The following MAPK10 variants were observed in gnomAD, a reference collection of about 807,000 sequenced individuals.
MAPK10 encodes mitogen-activated protein kinase 10.
MAPK10 carries 25 observed loss-of-function variants against 59.3 expected under a neutral mutation model. The observed-to-expected ratio is 0.42, with a 90% confidence interval of 0.31 to 0.59. The LOEUF (loss-of-function observed/expected upper bound fraction) is 0.59. Ranked by LOEUF, MAPK10 falls within the 20% of genes least tolerant of loss-of-function variation. The pLI is 0.15. For missense variants in MAPK10, 351 were observed against 568.9 expected (o/e 0.62, Z 3.90); for synonymous variants, 190 against 200.5 (o/e 0.95, Z 0.44).
intron 2 of MAPK10, among the ~76,000 whole-genome samples, chr4:86,344,125 G>C (rs1337555237): frequency 6.6e-6 from 1 of 152,156 alleles, no homozygotes; most frequent in East Asian, 1.9e-4. Flanking sequence ...AACCTCATTT[G>C]AGAATGCCTG....
rs571697118 is a variant in MAPK10 at position 86,176,714 on chromosome 4, CTG to C, written c.67-17249_67-17248del. Reference sequence around the variant, plus strand: ...TTAACACTTCTGAAATTTGCTATAACTGTGTTCACCTGTGGATACCCAGAAAA... The same window carrying C: ...TTAACACTTCTGAAATTTGCTATAACTGTTCACCTGTGGATACCCAGAAAA... On this transcript the variant is annotated intron_variant, in intron 3 of 13. Transcript: ENST00000641462. Among the ~76,000 whole-genome samples the C allele has an allele frequency of 1.4e-3, 218 of 152,172 alleles. 1 individual carries two copies. The highest frequency in any genetic ancestry group is 4.8e-3 in the African/African-American group (199 of 41,544).
chr4:86,515,016 A>G (rs887440014), intron 1 of MAPK10, among the ~76,000 whole-genome samples: 37 of 151,946 alleles, frequency 2.4e-4, no homozygotes, highest in African/African-American at 8.4e-4. Context: ...CACTTTTCCT[A>G]GGGCCCCCAG....
At chr4:86,529,601 C>T (rs760300504) in intron 1 of MAPK10, among the ~76,000 whole-genome samples, 10 of 152,120 alleles carry the variant, frequency 6.6e-5, no homozygotes, top group Admixed American at 1.3e-4. Flanking sequence ...TCGAGCTCCC[C>T]TCTCTCACAT....
At chr4:86,210,280 T>C (rs1445218095) in intron 2 of MAPK10, among the ~76,000 whole-genome samples, 1 of 151,878 alleles carries the variant, frequency 6.6e-6, no homozygotes, top group Non-Finnish European at 1.5e-5. Flanking sequence ...ACAAATAGGA[T>C]AACAAGTTAA....
At chr4:86,499,392 G>T (rs17418878) in intron 1 of MAPK10, among the ~76,000 whole-genome samples, 33,230 of 152,074 alleles carry the variant, frequency 0.22, 4,525 homozygotes, top group Admixed American at 0.3. Context: ...CAAAAACAGG[G>T]TGGGGAGTAA....
chr4:86,458,691 G>A (rs1751457078), intron 1 of MAPK10, among the ~76,000 whole-genome samples: 1 of 152,260 alleles, frequency 6.6e-6, no homozygotes, highest in East Asian at 1.9e-4. Flanking sequence ...TCAACAAATG[G>A]TGCTGGGATA....
chr4:86,229,546 A>G (rs2091216613), intron 2 of MAPK10, among the ~76,000 whole-genome samples: 1 of 152,212 alleles, frequency 6.6e-6, no homozygotes. Context: ...TCCACTTTAT[A>G]GTAGAATAAA....
chr4:86,386,182 A>G (rs1051132321), intron 1 of MAPK10, among the ~76,000 whole-genome samples: 1 of 152,196 alleles, frequency 6.6e-6, no homozygotes, highest in Non-Finnish European at 1.5e-5. Context: ...TCTCTAGTAC[A>G]TTCTGTTAGA....
chr4:86,300,703 G>A (rs1006748775), intron 2 of MAPK10: 4 of 152,066 alleles, frequency 2.6e-5, no homozygotes, highest in African/African-American at 7.2e-5. Flanking sequence ...GGATCATCAA[G>A]ATTGATTATT....
rs563283277 is a variant in MAPK10 at position 86,052,780 on chromosome 4, C to T, written c.1110+11486G>A. Among the ~76,000 whole-genome samples the T allele has an allele frequency of 5.3e-5, 8 of 152,154 alleles. No homozygotes were observed. In the East Asian group the frequency reaches 5.8e-4, roughly 11 times the overall value. On this transcript the variant is annotated intron_variant, in intron 11 of 13. Transcript: ENST00000641462. ...TGCAATCTTGGTTCACTGCAAACTC[C>T]GCCTCCCAGGTTTAAGCCATTCTCC...
At chr4:86,344,068 A>G (rs13146797) in intron 2 of MAPK10, among the ~76,000 whole-genome samples, 109,210 of 151,638 alleles carry the variant, frequency 0.72, 40,117 homozygotes, top group South Asian at 0.9. Context: ...AGACTAAAAC[A>G]TTTGAGAATT....
At chr4:86,525,875 T>C (rs939885445) in intron 1 of MAPK10, among the ~76,000 whole-genome samples, 4 of 152,220 alleles carry the variant, frequency 2.6e-5, no homozygotes, top group African/African-American at 9.7e-5. Flanking sequence ...TCTGAACATC[T>C]GCTTCTGGGG....
At chr4:86,503,401 A>G (rs1488074403) in intron 1 of MAPK10, among the ~76,000 whole-genome samples, 2 of 151,994 alleles carry the variant, frequency 1.3e-5, no homozygotes, top group Admixed American at 1.3e-4. Flanking sequence ...AGACTTTTTC[A>G]TCTAATCGAA....
chr4:86,398,499 A>C (rs945895176), intron 1 of MAPK10, among the ~76,000 whole-genome samples: 5 of 152,248 alleles, frequency 3.3e-5, no homozygotes, highest in Non-Finnish European at 7.3e-5. Context: ...ATGTCTGCAG[A>C]GTCCATGCAC....
At chr4:86,057,311 G>A (rs1216595776) in intron 11 of MAPK10, among the ~76,000 whole-genome samples, 1 of 150,038 alleles carries the variant, frequency 6.7e-6, no homozygotes, top group Non-Finnish European at 1.5e-5. Flanking sequence ...AGCATAACTT[G>A]TTAATTATGA....
chr4:86,229,795 C>A (rs2091261726), intron 2 of MAPK10, among the ~76,000 whole-genome samples: 2 of 151,974 alleles, frequency 1.3e-5, no homozygotes, highest in South Asian at 4.1e-4. Flanking sequence ...GTGGCTCATG[C>A]CTATAACCAC....
chr4:86,192,253 G>A (rs905464476), intron 3 of MAPK10: 3 of 151,882 alleles, frequency 2.0e-5, no homozygotes, highest in African/African-American at 7.3e-5. Flanking sequence ...TATATCTTGG[G>A]GTTGGTCTTC....
chr4:86,210,280 T>A (rs1445218095), intron 2 of MAPK10, among the ~76,000 whole-genome samples: 1 of 151,878 alleles, frequency 6.6e-6, no homozygotes, highest in East Asian at 1.9e-4. Context: ...ACAAATAGGA[T>A]AACAAGTTAA....
Position 86,485,986 on chromosome 4 carries a change from T to G in MAPK10, c.-263+107924A>C, listed in dbSNP as rs576224821. Among the ~76,000 whole-genome samples, 233 of 152,332 alleles carry G rather than the reference T, an allele frequency of 1.5e-3. 3 individuals are homozygous for G. Among genetic ancestry groups the G allele is most frequent in the African/African-American group, 5.4e-3 (223 of 41,574 alleles). ...AAATAAAATTCTGCTATTTAAGCCC[T>G]CCAGTCTGTGGTATTCTGTCATGGC... On this transcript the variant is annotated intron_variant, in intron 1 of 4. Transcript: ENST00000502302.
Sources: gnomAD v4.1 joint callset for allele counts (sites outside exome capture counted in the v4.1 genomes callset) on GRCh38, gnomAD v4.1.1 for gene constraint, MANE v1.5 for transcripts, NCBI Gene and HGNC (gene_info 2026-07-23, HGNC 2026-07-21) for gene names.